Variants in EPHA6 observed in about 807,000 individuals in gnomAD.
EPHA6 encodes the protein EPH receptor A6.
Under a neutral mutation model 112.0 loss-of-function variants are expected in EPHA6, and 50 were observed. The ratio of observed to expected loss-of-function variants is 0.45; its 90% CI spans 0.36 to 0.56. The LOEUF is 0.56. Among genes scored for constraint, EPHA6 ranks in the 20% least tolerant of loss-of-function variants. The pLI, the probability that EPHA6 is intolerant of heterozygous loss-of-function variation, is 0.00. For synonymous variants in EPHA6, 529 were observed against 490.7 expected (o/e 1.08, Z -1.03); for missense variants, 1,280 against 1,417.4 (o/e 0.90, Z 1.56).
At chr3:97,433,428 G>A (rs1266752184) in intron 6 of EPHA6, among the ~76,000 whole-genome samples, 1 of 151,982 alleles carries the variant, frequency 6.6e-6, no homozygotes, top group Non-Finnish European at 1.5e-5. Flanking sequence ...TTCATTTACA[G>A]CACAGTCAAT....
At chr3:97,256,413 T>C (rs1012289805) in intron 5 of EPHA6, among the ~76,000 whole-genome samples, 4 of 151,930 alleles carry the variant, frequency 2.6e-5, no homozygotes, top group South Asian at 4.1e-4. Context: ...AGGGACCTGA[T>C]TTTCAGGAAA....
intron 5 of EPHA6, among the ~76,000 whole-genome samples, chr3:97,288,663 A>G (rs557397703): frequency 1.3e-5 from 2 of 152,326 alleles, no homozygotes; most frequent in East Asian, 3.9e-4. Flanking sequence ...TTCTTTCCAC[A>G]GTGGCTGAAC....
chr3:97,109,471 T>C (rs1223741882), intron 3 of EPHA6, among the ~76,000 whole-genome samples: 1 of 152,152 alleles, frequency 6.6e-6, no homozygotes, highest in East Asian at 1.9e-4. Flanking sequence ...GTGTTAAGGA[T>C]TTATAGCTTC....
intron 15 of EPHA6, among the ~76,000 whole-genome samples, chr3:97,730,641 T>A (rs1478094289): frequency 6.6e-6 from 1 of 152,050 alleles, no homozygotes; most frequent in Non-Finnish European, 1.5e-5. Context: ...TCCCTGTCAG[T>A]CCTTAATTAG....
intron 14 of EPHA6, among the ~76,000 whole-genome samples, chr3:97,658,893 C>T (rs1295685499): frequency 1.3e-5 from 2 of 151,828 alleles, no homozygotes; most frequent in African/African-American, 4.8e-5. Context: ...GAATGGAACC[C>T]AGGACATTTG....
At chr3:97,466,218 A>G (rs1408512327) in intron 7 of EPHA6, 1 of 832,116 alleles carries the variant, frequency 1.2e-6, no homozygotes, top group Non-Finnish European at 2.1e-6. Context: ...TACCGGGCAA[A>G]CAGACTTGGG....
At chr3:97,486,758 T>C (rs915667781) in intron 10 of EPHA6, among the ~76,000 whole-genome samples, 1 of 152,234 alleles carries the variant, frequency 6.6e-6, no homozygotes, top group African/African-American at 2.4e-5. Flanking sequence ...ATAGCAGTCA[T>C]GTTTCTAAAA....
At chr3:97,026,738 C>A (rs1487201168) in intron 3 of EPHA6, among the ~76,000 whole-genome samples, 1 of 152,084 alleles carries the variant, frequency 6.6e-6, no homozygotes, top group Non-Finnish European at 1.5e-5. Flanking sequence ...CAAGGAGATA[C>A]CACCTATCAC....
chr3:96,833,636 T>C (rs1302417031), intron 1 of EPHA6, among the ~76,000 whole-genome samples: 1 of 152,018 alleles, frequency 6.6e-6, no homozygotes, highest in African/African-American at 2.4e-5. Context: ...AAAAGAGATC[T>C]AGCTGAAGAA....
At chr3:96,897,134 T>G (rs2038317173) in intron 2 of EPHA6, among the ~76,000 whole-genome samples, 1 of 152,054 alleles carries the variant, frequency 6.6e-6, no homozygotes, top group Non-Finnish European at 1.5e-5. Context: ...AATTATATTT[T>G]TATTTTATGT....
At chr3:96,986,070 C>T (rs986242394) in intron 2 of EPHA6, among the ~76,000 whole-genome samples, 1 of 151,930 alleles carries the variant, frequency 6.6e-6, no homozygotes, top group African/African-American at 2.4e-5. Flanking sequence ...CCAAAAATGC[C>T]ATAAGGTTAC....
chr3:97,312,047 G>T lies in EPHA6; in HGVS notation c.1606+67760G>T, dbSNP rs573640689. On this transcript the variant is annotated intron_variant, in intron 5 of 17. Transcript: ENST00000389672. ...GTTGAGATCTCACTCATTTTTATTTGTTTCTACCTAATGATTCCATTATTT... is the reference window on the plus strand; with the variant it reads ...GTTGAGATCTCACTCATTTTTATTTTTTTCTACCTAATGATTCCATTATTT... 4.0e-5 allele frequency among the ~76,000 whole-genome samples: 6 copies of T among 151,396 alleles called. No individual in the cohort carries two copies. The East Asian group carries it at 1.2e-3, about 29-fold the overall frequency.
intron 11 of EPHA6, among the ~76,000 whole-genome samples, chr3:97,585,115 C>T (rs1300846147): frequency 6.6e-6 from 1 of 152,082 alleles, no homozygotes; most frequent in Non-Finnish European, 1.5e-5. Context: ...TCCCAGCCTC[C>T]ACTTAGGGAA....
intron 1 of EPHA6, among the ~76,000 whole-genome samples, chr3:96,846,787 A>G (rs2107349892): frequency 6.6e-6 from 1 of 152,164 alleles, no homozygotes; most frequent in Non-Finnish European, 1.5e-5. Context: ...GAGTAGCTCC[A>G]GTCACCCTTT....
intron 4 of EPHA6, among the ~76,000 whole-genome samples, chr3:97,230,750 G>T (rs1216652666): frequency 6.6e-6 from 1 of 152,132 alleles, no homozygotes; most frequent in Non-Finnish European, 1.5e-5. Context: ...CTGAGTTTAG[G>T]TTTAAATACC....
At chr3:96,981,447 T>G (rs2042772683) in intron 2 of EPHA6, among the ~76,000 whole-genome samples, 1 of 152,186 alleles carries the variant, frequency 6.6e-6, no homozygotes, top group Non-Finnish European at 1.5e-5. Flanking sequence ...CTAGATTTGT[T>G]TTGCCAGGAT....
chr3:97,250,409 G>A (rs2079101997), intron 5 of EPHA6, among the ~76,000 whole-genome samples: 1 of 152,122 alleles, frequency 6.6e-6, no homozygotes, highest in African/African-American at 2.4e-5. Flanking sequence ...ATTCTCATTT[G>A]CACATTTTGC....
At position 97,707,184 on chromosome 3, in the gene EPHA6, T is replaced by A. The variant is rs551302336; in HGVS notation, c.2785-13077T>A. On this transcript the variant is annotated intron_variant, in intron 14 of 17. Transcript: ENST00000389672. The stretch of plus-strand genomic sequence containing the variant: ...TATAGTATAGTTCTGAGACTGTGCC[T>A]TTCATTTTACACCACTTTCCTAATT... Among the ~76,000 whole-genome samples, 39 of 152,336 alleles carry A rather than the reference T, an allele frequency of 2.6e-4. No homozygotes were observed. The South Asian group carries it at 7.7e-3, about 30-fold the overall frequency.
chr3:97,219,410 C>A (rs977616852), intron 3 of EPHA6, among the ~76,000 whole-genome samples: 1 of 152,144 alleles, frequency 6.6e-6, no homozygotes, highest in Non-Finnish European at 1.5e-5. Flanking sequence ...TCCATACATC[C>A]TCTGAAATCT....
Sources: allele counts gnomAD v4.1 joint callset (sites outside exome capture counted in the v4.1 genomes callset), GRCh38; gene constraint gnomAD v4.1.1; transcripts MANE v1.5; gene names NCBI Gene and HGNC (gene_info 2026-07-23, HGNC 2026-07-21).